CHN2: variants seen among roughly 807,000 people sequenced by gnomAD.
CHN2 encodes the protein chimerin 2, also known as beta-chimaerin.
CHN2 carries 35 observed loss-of-function variants against 56.3 expected under a neutral mutation model. That is an observed-to-expected ratio of 0.62 (90% CI 0.47 to 0.82). The LOEUF (loss-of-function observed/expected upper bound fraction) is 0.82. Ranked by LOEUF, CHN2 falls within the 40% of genes least tolerant of loss-of-function variation. The probability of loss-of-function intolerance (pLI) is 0.00; values close to 1 mark genes in which losing one functional copy is unlikely to be tolerated. For missense variants in CHN2, 491 were observed against 580.5 expected (o/e 0.85, Z 1.58); for synonymous variants, 210 against 212.8 (o/e 0.99, Z 0.12).
intron 1 of CHN2, among the ~76,000 whole-genome samples, chr7:29,210,233 A>G (rs1218977679): frequency 6.6e-6 from 1 of 152,174 alleles, no homozygotes; most frequent in Non-Finnish European, 1.5e-5. Flanking sequence ...TACCAGTGGC[A>G]TCATTTGTTC....
intron 3 of CHN2, among the ~76,000 whole-genome samples, chr7:29,375,190 C>CTTTTT (rs70980534): frequency 1.3e-5 from 1 of 77,908 alleles, no homozygotes; most frequent in Non-Finnish European, 2.3e-5. Context: ...GTGCTCGGCC[C>CTTTTT]TTTTTTTTTT....
At chr7:29,168,695 G>A (rs1796225312) in intron 2 of CHN2, among the ~76,000 whole-genome samples, 1 of 152,146 alleles carries the variant, frequency 6.6e-6, no homozygotes, top group South Asian at 2.1e-4. Context: ...AGGCTTCCAG[G>A]GAGAGTTTGT....
chr7:29,502,894 C>T (rs370246786), intron 9 of CHN2, among the ~76,000 whole-genome samples: 2 of 152,086 alleles, frequency 1.3e-5, no homozygotes, highest in South Asian at 2.1e-4. Flanking sequence ...TGCTCTCCTT[C>T]CCCTTGACCC....
chr7:29,212,281 C>T (rs111500130), intron 1 of CHN2: 127,103 of 1,060,306 alleles, frequency 0.12, 8,862 homozygotes, highest in Non-Finnish European at 0.15. Flanking sequence ...AATTTTTTCC[C>T]CCTCTTCCTC....
intron 1 of CHN2, among the ~76,000 whole-genome samples, chr7:29,331,510 C>G (rs1385818720): frequency 6.6e-6 from 1 of 152,102 alleles, no homozygotes; most frequent in Non-Finnish European, 1.5e-5. Flanking sequence ...CTCCCGCCAC[C>G]CCCTCTTTCC....
chr7:29,222,549 C>T lies in CHN2; in HGVS notation c.49+27559C>T, dbSNP rs148843419. Among the ~76,000 whole-genome samples the T allele has an allele frequency of 1.5e-3, 235 of 151,996 alleles. 1 individual carries two copies. Among genetic ancestry groups the T allele is most frequent in the African/African-American group, 5.3e-3 (220 of 41,464 alleles). On this transcript the variant is annotated intron_variant, in intron 1 of 12. Coordinates refer to ENST00000222792, the MANE Select transcript of CHN2 (RefSeq NM_004067.4). ...ACTCAGAAATAAGAAACAGTAAATC[C>T]AATGAGAGATGTTCAAAACCTTCAC... is the stretch of plus-strand genomic sequence containing the variant.
In CHN2 at chr7:29,400,625, G is replaced by A. The variant is rs1436379143; in HGVS notation, c.373G>A (p.Asp125Asn). Residue 125 changes from aspartate to asparagine, a missense_variant, in exon 6 of 13, where the codon GAT (aspartate) becomes AAT (asparagine). Coordinates refer to ENST00000222792, the MANE Select transcript of CHN2 (RefSeq NM_004067.4). ...TGAGAAGAGGTTTGAGTCGATTCAT[G>A]ATCTGGTGACAGATGGCTTGATAAC... ...VGEKRFESIH[D>N]LVTDGLITLY... is the part of the protein sequence containing the mutation. 6.2e-7 allele frequency: 1 copy of A among 1,614,018 alleles called. No individual in the cohort carries two copies. The highest frequency in any genetic ancestry group is 2.2e-5 in the East Asian group (1 of 44,894).
At chr7:29,390,592 TTC>T (rs1485862816) in intron 3 of CHN2, among the ~76,000 whole-genome samples, 1 of 152,238 alleles carries the variant, frequency 6.6e-6, no homozygotes, top group African/African-American at 2.4e-5. Context: ...CAAGAAGAAT[TTC>T]TGAGTTGCCT....
chr7:29,472,281 A>ACGCACACACACACACACACG (rs1455206111), intron 6 of CHN2, among the ~76,000 whole-genome samples: 1 of 143,502 alleles, frequency 7.0e-6, no homozygotes. Context: ...ATACACACAC[A>ACGCACACACACACACACACG]CACACACACA....
chr7:29,450,534 G>A (rs911932702), intron 6 of CHN2, among the ~76,000 whole-genome samples: 1 of 152,190 alleles, frequency 6.6e-6, no homozygotes, highest in African/African-American at 2.4e-5. Context: ...ACAAGGCCAG[G>A]CATGCAGGAA....
chr7:29,347,852 T>A (rs1339918115), intron 1 of CHN2, among the ~76,000 whole-genome samples: 3 of 152,234 alleles, frequency 2.0e-5, no homozygotes, highest in Non-Finnish European at 4.4e-5. Flanking sequence ...TGCGCTGACA[T>A]GGATAGATGC....
intron 2 of CHN2, 82 bp downstream of exon 2, chr7:29,354,745 A>G: frequency 8.0e-7 from 1 of 1,247,598 alleles, no homozygotes; most frequent in South Asian, 1.2e-5. Flanking sequence ...GATGTAGTGC[A>G]CACAAGCGTT....
At chr7:29,299,411 C>T (rs1262404863) in intron 1 of CHN2, among the ~76,000 whole-genome samples, 1 of 152,176 alleles carries the variant, frequency 6.6e-6, no homozygotes, top group Non-Finnish European at 1.5e-5. Context: ...GAGACCTTAA[C>T]AAAGGATTTG....
chr7:29,353,789 A>G (rs1049808025), intron 1 of CHN2, among the ~76,000 whole-genome samples: 5 of 152,210 alleles, frequency 3.3e-5, no homozygotes, highest in Non-Finnish European at 5.9e-5. Flanking sequence ...GTTCCCTCAC[A>G]TCAACGTTCT....
At chr7:29,351,203 T>C (rs978274737) in intron 1 of CHN2, among the ~76,000 whole-genome samples, 16 of 151,844 alleles carry the variant, frequency 1.1e-4, no homozygotes, top group Non-Finnish European at 2.1e-4. Context: ...AAGATGAACA[T>C]TGGGAGGTTC....
intron 7 of CHN2, among the ~76,000 whole-genome samples, chr7:29,483,113 G>A (rs954442753): frequency 2.6e-5 from 4 of 152,008 alleles, no homozygotes; most frequent in African/African-American, 9.7e-5. Flanking sequence ...GAGCCACCGC[G>A]CCCGGCCTGC....
intron 1 of CHN2, among the ~76,000 whole-genome samples, chr7:29,267,409 A>T (rs1790241834): frequency 6.6e-6 from 1 of 151,650 alleles, no homozygotes; most frequent in Non-Finnish European, 1.5e-5. Flanking sequence ...CACCTGGCTA[A>T]TTTTTTGTAT....
At chr7:29,443,192 G>A (rs938090654) in intron 6 of CHN2, among the ~76,000 whole-genome samples, 3 of 151,802 alleles carry the variant, frequency 2.0e-5, no homozygotes, top group South Asian at 4.2e-4. Context: ...CACCCGCCTC[G>A]GCCTCCCAAA....
chr7:29,449,839 G>A (rs1784281222), intron 6 of CHN2, among the ~76,000 whole-genome samples: 1 of 152,234 alleles, frequency 6.6e-6, no homozygotes, highest in Non-Finnish European at 1.5e-5. Flanking sequence ...AGCCCAAAGA[G>A]CAAAGACAAA....
Sources: gnomAD v4.1 joint callset for allele counts (sites outside exome capture counted in the v4.1 genomes callset) on GRCh38, gnomAD v4.1.1 for gene constraint, MANE v1.5 for transcripts, NCBI Gene and HGNC (gene_info 2026-07-23, HGNC 2026-07-21) for gene names.